STK32A: variants seen among roughly 807,000 people sequenced by gnomAD.
STK32A encodes serine/threonine-protein kinase 32A.
STK32A carries 41 observed loss-of-function variants against 53.2 expected under a neutral mutation model. The observed-to-expected ratio is 0.77, with a 90% CI of 0.60 to 1.00. The LOEUF (loss-of-function observed/expected upper bound fraction) is 1.00. Ranked by LOEUF, STK32A falls within the 50% of genes least tolerant of loss-of-function variation. The pLI is 0.00. For synonymous variants in STK32A, 166 were observed against 162.8 expected (o/e 1.02, Z -0.15); for missense variants, 458 against 485.8 (o/e 0.94, Z 0.54).
At chr5:147,255,961 C>T (rs556994076) in intron 2 of STK32A, among the ~76,000 whole-genome samples, 5 of 152,284 alleles carry the variant, frequency 3.3e-5, no homozygotes, top group East Asian at 1.9e-4. Context: ...GGGCTTCTCT[C>T]GCTTTACGAT....
At chr5:147,241,810 A>G (rs1003312987) in intron 2 of STK32A, among the ~76,000 whole-genome samples, 17 of 152,280 alleles carry the variant, frequency 1.1e-4, no homozygotes, top group Non-Finnish European at 2.4e-4. Context: ...CTGGACTCAG[A>G]GCTAATGTTG....
chr5:147,247,532 C>A (rs1387786306), intron 2 of STK32A, among the ~76,000 whole-genome samples: 1 of 152,170 alleles, frequency 6.6e-6, no homozygotes, highest in Non-Finnish European at 1.5e-5. Context: ...CCTTGTTTTA[C>A]ACTTGAGTAA....
chr5:147,343,807 T>G (rs1228580895), intron 6 of STK32A, among the ~76,000 whole-genome samples: 2 of 152,174 alleles, frequency 1.3e-5, no homozygotes, highest in African/African-American at 4.8e-5. Context: ...AAATTTCAGT[T>G]TGAGAAAAAT....
At position 147,355,792 on chromosome 5, in the gene STK32A, G is replaced by GTA. The variant is rs140534042; in HGVS notation, c.562+4657_562+4658dup. Among the ~76,000 whole-genome samples, 662 of 147,792 alleles carry GTA rather than the reference G, an allele frequency of 4.5e-3. 2 individuals carry two copies. The highest frequency in any genetic ancestry group is 0.013 in the South Asian group (60 of 4,722). Reference sequence around the variant, plus strand: ...TATGTATGTGTGTGAGTGTGTGTGTGTATATATATATATATATATAAATAA... The same window carrying GTA: ...TATGTATGTGTGTGAGTGTGTGTGTGTATATATATATATATATATATAAATAA... On this transcript the variant is annotated intron_variant, in intron 7 of 12. Transcript: ENST00000397936.
rs184134564 is a variant in STK32A at position 147,274,725 on chromosome 5, A to T, written c.53-3399A>T. Among the ~76,000 whole-genome samples, 9 of 152,322 alleles carry T rather than the reference A, an allele frequency of 5.9e-5. No homozygotes were observed. In the South Asian group the frequency reaches 1.5e-3, roughly 25 times the overall value. On this transcript the variant is annotated intron_variant, in intron 2 of 12. Transcript: ENST00000397936. ...ATATTCTATGCACATGACCCATTTC[A>T]TCTTCTTATAAACCTCATGAAGTAT...
chr5:147,261,137 A>G lies in STK32A; in HGVS notation c.53-16987A>G, dbSNP rs1486970148. Among the ~76,000 whole-genome samples, 3 of 152,160 alleles carry G rather than the reference A, an allele frequency of 2.0e-5. No homozygotes were observed. The East Asian group carries it at 5.8e-4, about 29-fold the overall frequency. On this transcript the variant is annotated intron_variant, in intron 2 of 12. Coordinates refer to ENST00000397936, the MANE Select transcript of STK32A (RefSeq NM_001112724.2). Reference sequence around the variant, plus strand: ...ACAAGGGGACGGGGTGCACCTCCTCAGGAGAGACAACCAGAGACCACCCCC... The same window carrying G: ...ACAAGGGGACGGGGTGCACCTCCTCGGGAGAGACAACCAGAGACCACCCCC...
intron 4 of STK32A, among the ~76,000 whole-genome samples, chr5:147,286,429 T>A (rs562252123): frequency 1.3e-5 from 2 of 152,170 alleles, no homozygotes; most frequent in African/African-American, 4.8e-5. Flanking sequence ...GGAAAAATAA[T>A]CCAGCACCAC....
rs752412015 is a variant in STK32A, at chr5:147,239,621, G to A, written c.-14G>A. On this transcript the variant is annotated 5_prime_UTR_variant, in exon 2 of 13. Transcript: ENST00000397936. ...TAGTATAAATCGAGGATCCAGGTCTGGGCAGATTCAACCATGGGAGCGAAC... is the reference window on the plus strand; with the variant it reads ...TAGTATAAATCGAGGATCCAGGTCTAGGCAGATTCAACCATGGGAGCGAAC... 18 of 1,601,526 alleles carry A rather than the reference G, an allele frequency of 1.1e-5. No homozygotes were observed. The highest frequency in any genetic ancestry group is 1.2e-5 in the Non-Finnish European group (14 of 1,172,904).
In STK32A at chr5:147,387,667, T is replaced by C. The variant is rs1301848538; in HGVS notation, c.*3684T>C. On this transcript the variant is annotated 3_prime_UTR_variant, in exon 13 of 13. Coordinates refer to ENST00000397936, the MANE Select transcript of STK32A (RefSeq NM_001112724.2). ...GCTATCTGTCTGTGATTCCTGTTTATTACAAATTCAGTGTGTCTGACTGAT... is the reference window on the plus strand; with the variant it reads ...GCTATCTGTCTGTGATTCCTGTTTACTACAAATTCAGTGTGTCTGACTGAT... 1 of 152,254 alleles carries C rather than the reference T, an allele frequency of 6.6e-6. No homozygotes were observed. Among genetic ancestry groups the C allele is most frequent in the Admixed American group, 6.5e-5 (1 of 15,292 alleles). 9.4% of individuals were successfully genotyped at this position (152,254 alleles called of 1,614,324 possible).
chr5:147,372,524 C>T (rs1581149720), intron 9 of STK32A, among the ~76,000 whole-genome samples: 1 of 152,094 alleles, frequency 6.6e-6, no homozygotes, highest in East Asian at 1.9e-4. Context: ...CCTGAGGTTG[C>T]ATGGTTGTCA....
intron 2 of STK32A, among the ~76,000 whole-genome samples, chr5:147,253,911 A>G (rs1754108881): frequency 6.6e-6 from 1 of 152,206 alleles, no homozygotes; most frequent in Non-Finnish European, 1.5e-5. Flanking sequence ...TGGCAGATTC[A>G]GTTAAGGACA....
chr5:147,375,007 A>C (rs1757170479), intron 10 of STK32A, 83 bp from the exon 11 acceptor site: 2 of 1,294,580 alleles, frequency 1.5e-6, no homozygotes, highest in South Asian at 1.6e-5. Context: ...GTTAAGACTA[A>C]GTATTATTTT....
At position 147,383,929 on chromosome 5, in the gene STK32A, C is replaced by T; in HGVS notation, c.1137C>T (p.Ala379=). 4.4e-6 allele frequency: 7 copies of T among 1,607,246 alleles called. No individual in the cohort carries two copies. The highest frequency in any genetic ancestry group is 5.9e-6 in the Non-Finnish European group (7 of 1,177,392). Residue 379 remains alanine, a synonymous_variant, in exon 13 of 13, where the codon GCC becomes GCT. Coordinates refer to ENST00000397936, the MANE Select transcript of STK32A (RefSeq NM_001112724.2). ...RDFNKRQPNL[A]LEQTKDPQGE... ...TTAACAAAAGACAACCAAATCTAGCCTTGGAACAAACCAAAGACCCACAAG... is the reference window on the plus strand; with the variant it reads ...TTAACAAAAGACAACCAAATCTAGCTTTGGAACAAACCAAAGACCCACAAG...
chr5:147,362,104 T>G (rs1388363625), intron 8 of STK32A, among the ~76,000 whole-genome samples: 2 of 152,156 alleles, frequency 1.3e-5, no homozygotes, highest in East Asian at 3.9e-4. Flanking sequence ...AGGAAACATT[T>G]CTTAAACTAA....
chr5:147,400,344 T>C, the STK32A span, among the ~76,000 whole-genome samples: 4 of 152,196 alleles, frequency 2.6e-5, no homozygotes, highest in Non-Finnish European at 4.4e-5. Flanking sequence ...AAGGATTATA[T>C]CCAGTTCTTT....
At chr5:147,394,217 T>C in the STK32A span, 17 of 1,290,466 alleles carry the variant, frequency 1.3e-5, no homozygotes, top group South Asian at 2.0e-4. Context: ...ATTTTAAGAG[T>C]GCAAGATATG....
chr5:147,382,761 T>C (rs1757502012), intron 11 of STK32A: 3 of 152,232 alleles, frequency 2.0e-5, no homozygotes, highest in African/African-American at 7.2e-5. Flanking sequence ...TGTTTTTGAA[T>C]GTCCCAGCCT....
chr5:147,318,946 T>C (rs1754156087), intron 4 of STK32A, among the ~76,000 whole-genome samples: 1 of 152,148 alleles, frequency 6.6e-6, no homozygotes, highest in South Asian at 2.1e-4. Flanking sequence ...AATGCTCTCA[T>C]ACTGATACTT....
rs141345833 is a variant in STK32A, at chr5:147,296,992, A to G, written c.260+17594A>G. On this transcript the variant is annotated intron_variant, in intron 4 of 12. Transcript: ENST00000397936. The stretch of plus-strand genomic sequence containing the variant: ...ACAGCTCTGGGAAAGAAGAAAGCCT[A>G]TTTTACCTGAGGGCCTATCTTTTAT... Among the ~76,000 whole-genome samples the G allele has an allele frequency of 1.2e-4, 19 of 152,248 alleles. No homozygotes were observed. The East Asian group carries it at 3.5e-3, about 28-fold the overall frequency.
Sources: allele counts gnomAD v4.1 joint callset (sites outside exome capture counted in the v4.1 genomes callset), GRCh38; gene constraint gnomAD v4.1.1; transcripts MANE v1.5; gene names NCBI Gene and HGNC (gene_info 2026-07-23, HGNC 2026-07-21).